The following DNAI7 variants were observed in gnomAD, a reference collection of about 807,000 sequenced individuals.
The protein encoded by DNAI7 is cancer susceptibility 1.
A neutral mutation model predicts 86.6 loss-of-function variants in DNAI7; 78 were observed. That is an observed-to-expected ratio of 0.90 (90% CI 0.75 to 1.09). The LOEUF (loss-of-function observed/expected upper bound fraction) is 1.09. Among genes scored for constraint, DNAI7 ranks in the 50% least tolerant of loss-of-function variants. DNAI7 has a pLI of 0.00. For synonymous variants in DNAI7, 274 were observed against 273.0 expected, an observed-to-expected ratio of 1.00 and a Z score of -0.04; for missense variants, 753 against 810.2, an observed-to-expected ratio of 0.93 and a Z score of 0.86.
At chr12:25,183,358 C>T (rs968220274) in intron 2 of DNAI7, among the ~76,000 whole-genome samples, 2 of 151,782 alleles carry the variant, frequency 1.3e-5, no homozygotes, top group Non-Finnish European at 2.9e-5. Flanking sequence ...CAAACCTGTA[C>T]GTGGGTATAT....
rs145097631 is a variant in DNAI7, at chr12:25,114,809, T to C, written c.1458A>G (p.Val486=). The change falls in exon 13 of 16, where the codon GTA becomes GTG. Residue 486 remains valine (V), a synonymous_variant. Transcript: ENST00000395987. ...GGCCAAAGGTGTCCAGGCTGAATGT[T>C]ACAAGTCTTTCTTTTGGTTTGTAGG... ...NVSYKPKERL[V]TFSLDTFGPV... The C allele has an allele frequency of 7.6e-5, 123 of 1,614,056 alleles. No homozygotes were observed. The highest frequency in any genetic ancestry group is 5.7e-5 in the Non-Finnish European group (67 of 1,180,008).
At chr12:25,126,940 T>C (rs150086579) in intron 9 of DNAI7, among the ~76,000 whole-genome samples, 30 of 152,310 alleles carry the variant, frequency 2.0e-4, no homozygotes, top group Middle Eastern at 3.4e-3. Flanking sequence ...CAACAGAACT[T>C]TTCCCTTGAT....
At chr12:25,158,393 T>C in intron 4 of DNAI7, 79 bp downstream of exon 4, 1 of 1,132,968 alleles carries the variant, frequency 8.8e-7, no homozygotes, top group Non-Finnish European at 1.3e-6. Context: ...AGCTATGGGC[T>C]GAGAAGGACA....
At chr12:25,140,490 G>A (rs1944046829) in intron 9 of DNAI7, among the ~76,000 whole-genome samples, 1 of 151,918 alleles carries the variant, frequency 6.6e-6, no homozygotes, top group East Asian at 1.9e-4. Flanking sequence ...AAATACTTAG[G>A]AATACACCTA....
intron 2 of DNAI7, among the ~76,000 whole-genome samples, chr12:25,166,473 C>T (rs1947478434): frequency 6.6e-6 from 1 of 152,178 alleles, no homozygotes. Flanking sequence ...CCCTGACACC[C>T]ATCAGGTTCA....
intron 6 of DNAI7, among the ~76,000 whole-genome samples, chr12:25,152,420 G>A (rs1945661703): frequency 6.6e-6 from 1 of 152,228 alleles, no homozygotes; most frequent in South Asian, 2.1e-4. Context: ...AAACAACGAG[G>A]TTCAGAGAAC....
chr12:25,170,283 C>T (rs999074359), intron 2 of DNAI7, among the ~76,000 whole-genome samples: 9 of 151,326 alleles, frequency 5.9e-5, no homozygotes, highest in Admixed American at 3.3e-4. Flanking sequence ...CCCAGCTTCT[C>T]GGGAGGCTGA....
Position 25,144,622 on chromosome 12 carries a change from A to C in DNAI7, c.745T>G (p.Leu249Val). The C allele has an allele frequency of 6.2e-7, 1 of 1,614,050 alleles. No homozygotes were observed. The stretch of plus-strand genomic sequence containing the variant: ...CGTACAGCAATGTCACTTGTTGCTA[A>C]TATCCTTGGAATCTCAAATCCAATT... ...TQIGFEIPRI[L>V]ATSDIAVRLL... is the part of the protein sequence containing the mutation. Residue 249 changes from leucine (L) to valine (V), a missense_variant, in exon 9 of 16, where the codon TTA (leucine) becomes GTA (valine). By Grantham distance (32) the Leu-to-Val change is conservative. Coordinates refer to ENST00000395987, the MANE Select transcript of DNAI7 (RefSeq NM_018272.5).
chr12:25,146,892 C>T (rs1488053345), intron 8 of DNAI7, 109 bp downstream of exon 8: 2 of 620,474 alleles, frequency 3.2e-6, no homozygotes, highest in Non-Finnish European at 2.8e-6. Context: ...CTGAAATGGG[C>T]TTTTCCAAAC....
intron 9 of DNAI7, 147 bp downstream of exon 9, chr12:25,144,217 AG>A: frequency 1.5e-6 from 1 of 652,812 alleles, no homozygotes; most frequent in Non-Finnish European, 2.7e-6. Flanking sequence ...GGCAAGAAAA[AG>A]ATACATATTA....
chr12:25,189,804 G>T (rs1285389892), intron 2 of DNAI7, among the ~76,000 whole-genome samples: 1 of 152,038 alleles, frequency 6.6e-6, no homozygotes, highest in Admixed American at 6.6e-5. Context: ...TAAACTAAGA[G>T]GTTTGGTTAT....
intron 9 of DNAI7, among the ~76,000 whole-genome samples, chr12:25,135,277 A>C (rs1420496492): frequency 6.6e-6 from 1 of 152,220 alleles, no homozygotes; most frequent in Non-Finnish European, 1.5e-5. Flanking sequence ...AAGCCGAATG[A>C]AATATAAAAG....
chr12:25,129,767 ATTTTT>A (rs35452557), intron 9 of DNAI7, among the ~76,000 whole-genome samples: 1 of 148,796 alleles, frequency 6.7e-6, no homozygotes, highest in African/African-American at 2.5e-5. Context: ...TTTTATTTTT[ATTTTT>A]TTTTTTTGAC....
At chr12:25,112,235 T>A (rs1194781087) in intron 13 of DNAI7, among the ~76,000 whole-genome samples, 2 of 152,152 alleles carry the variant, frequency 1.3e-5, no homozygotes, top group African/African-American at 2.4e-5. Context: ...AATATGCATA[T>A]GTTCACACTG....
rs201091436 is a variant in DNAI7 at position 25,195,093 on chromosome 12, C to T, written c.-15G>A. On this transcript the variant is annotated 5_prime_UTR_variant, in exon 1 of 16. Coordinates refer to ENST00000395987, the MANE Select transcript of DNAI7 (RefSeq NM_018272.5). ...TTGCTCACCATTAAGAGTCAAGCTC[C>T]ACTGCAGTAGTCCGCAGAGTCGGAG... 8 of 1,613,936 alleles carry T rather than the reference C, an allele frequency of 5.0e-6. No individual in the cohort carries two copies. The highest frequency in any genetic ancestry group is 6.8e-6 in the Non-Finnish European group (8 of 1,179,752).
intron 4 of DNAI7, among the ~76,000 whole-genome samples, chr12:25,157,348 T>C (rs1338175187): frequency 6.6e-6 from 1 of 151,870 alleles, no homozygotes; most frequent in Admixed American, 6.6e-5. Flanking sequence ...AGAAAGGCTA[T>C]TAAAATATTA....
At chr12:25,124,426 T>C (rs1029561286) in intron 9 of DNAI7, among the ~76,000 whole-genome samples, 8 of 151,850 alleles carry the variant, frequency 5.3e-5, no homozygotes, top group African/African-American at 2.4e-5. Context: ...AAAAACAAGG[T>C]CCCTGACATA....
chr12:25,116,879 TTGTTCA>T (rs1289270415), intron 12 of DNAI7, among the ~76,000 whole-genome samples: 2 of 152,178 alleles, frequency 1.3e-5, no homozygotes, highest in African/African-American at 4.8e-5. Flanking sequence ...AGAGATACAG[TTGTTCA>T]TGTTGATGTA....
intron 2 of DNAI7, among the ~76,000 whole-genome samples, chr12:25,176,397 T>C (rs1050054306): frequency 2.6e-5 from 4 of 152,194 alleles, no homozygotes; most frequent in African/African-American, 7.2e-5. Flanking sequence ...AAGTAACATA[T>C]TATAAATTTT....
Sources: allele counts gnomAD v4.1 joint callset (sites outside exome capture counted in the v4.1 genomes callset), GRCh38; gene constraint gnomAD v4.1.1; transcripts MANE v1.5; gene names NCBI Gene and HGNC (gene_info 2026-07-23, HGNC 2026-07-21).